The following ZYG11B variants were observed in gnomAD, a reference collection of about 807,000 sequenced individuals.
ZYG11B encodes zyg-11 family member B, cell cycle regulator, also known as protein zyg-11 homolog B.
ZYG11B carries 36 observed loss-of-function variants against 82.4 expected under a neutral mutation model. That is an observed-to-expected ratio of 0.44 (90% CI 0.33 to 0.58). The LOEUF (loss-of-function observed/expected upper bound fraction) is 0.58, where lower values mean the gene tolerates loss of function less well. ZYG11B is among the 20% of genes least tolerant of loss of function. The pLI is 0.02. For synonymous variants in ZYG11B, 303 were observed against 312.8 expected, an observed-to-expected ratio of 0.97 and a Z score of 0.33; for missense variants, 552 against 895.6, an observed-to-expected ratio of 0.62 and a Z score of 4.90.
chr1:52,726,492 G>GCTGCGGCTGCGGCTGCTA lies in ZYG11B; in HGVS notation c.-152_-151insGGCTGCTACTGCGGCTGC, dbSNP rs1571732512. 2 of 611,646 alleles carry GCTGCGGCTGCGGCTGCTA rather than the reference G, an allele frequency of 3.3e-6. No homozygotes were observed. Among genetic ancestry groups the GCTGCGGCTGCGGCTGCTA allele is most frequent in the East Asian group, 7.3e-5 (2 of 27,340 alleles). 37.9% of individuals were successfully genotyped at this position (611,646 alleles called of 1,614,324 possible). On this transcript the variant is annotated 5_prime_UTR_variant, in exon 1 of 14. Transcript: ENST00000294353. The stretch of plus-strand genomic sequence containing the variant: ...GGTTCGGGCTGCGGCTGCGGCTGCG[G>GCTGCGGCTGCGGCTGCTA]CTGCGGCTGCTACTGCTACGCTCCT...
chr1:52,797,468 T>TTATATATGATATATAATATAATAA (rs774304697), intron 8 of ZYG11B, among the ~76,000 whole-genome samples: 42 of 110,552 alleles, frequency 3.8e-4, no homozygotes, highest in Admixed American at 2.2e-3. Context: ...ATGATATATA[T>TTATATATGATATATAATATAATAA]ATTATATATG....
intron 3 of ZYG11B, among the ~76,000 whole-genome samples, chr1:52,774,609 A>ATTTTTTTTTTTTTT (rs35043109): frequency 1.8e-5 from 2 of 111,136 alleles, no homozygotes; most frequent in African/African-American, 9.7e-5. Context: ...GCCTGGCCTA[A>ATTTTTTTTTTTTTT]TTTTTTTTTT....
rs753643678 is a variant in ZYG11B at position 52,796,800 on chromosome 1, C to T, written c.1485+16C>T. 6.7e-7 allele frequency: 1 copy of T among 1,495,054 alleles called. No individual in the cohort carries two copies. The highest frequency in any genetic ancestry group is 8.9e-7 in the Non-Finnish European group (1 of 1,122,762). The allele number at this position is 1,495,054 out of a possible 1,614,324, so 92.6% of individuals were successfully genotyped here. A position where few individuals can be genotyped will look rare whatever the true frequency, so the allele number is the denominator to read the frequency against. ...CATTGTCAGGGTAAGTCTATAATCT[C>T]CTCCATTCAGGCCACTAGATATTCA... On this transcript the variant is annotated intron_variant, in intron 8 of 13. Transcript: ENST00000294353.
At chr1:52,790,715 C>CAAAAAA (rs755866491) in intron 6 of ZYG11B, among the ~76,000 whole-genome samples, 11 of 49,676 alleles carry the variant, frequency 2.2e-4, no homozygotes, top group Non-Finnish European at 3.4e-4. Flanking sequence ...AAGACTGTCT[C>CAAAAAA]AAAAAAAAAA....
intron 1 of ZYG11B, among the ~76,000 whole-genome samples, chr1:52,734,120 C>T (rs1425742401): frequency 1.3e-5 from 2 of 152,186 alleles, no homozygotes; most frequent in Non-Finnish European, 1.5e-5. Flanking sequence ...GCTTCATCCT[C>T]CTGAGTTGCT....
chr1:52,776,423 A>G (rs530235595), intron 3 of ZYG11B, among the ~76,000 whole-genome samples: 1 of 149,432 alleles, frequency 6.7e-6, no homozygotes, highest in African/African-American at 2.5e-5. Context: ...TGTCCCAGTT[A>G]CTTAGGAGGC....
rs1558140347 is a variant in ZYG11B at position 52,803,183 on chromosome 1, TATATACACATATATATATATAC to T, written c.1695+1046_1695+1067del. On this transcript the variant is annotated intron_variant, in intron 10 of 13. Transcript: ENST00000294353. Reference sequence around the variant, plus strand: ...ATATATATATACACACATATATATATATATACACATATATATATATACACACACATATATATATATACACACA... The same window carrying T: ...ATATATATATACACACATATATATATACACACATATATATATATACACACA... 3.6e-4 allele frequency among the ~76,000 whole-genome samples: 29 copies of T among 80,460 alleles called. 2 individuals are homozygous for T. Among genetic ancestry groups the T allele is most frequent in the African/African-American group, 2.6e-3 (24 of 9,200 alleles). 52.8% of individuals were successfully genotyped at this position (80,460 alleles called of 152,430 possible). A position where few individuals can be genotyped will look rare whatever the true frequency, so the allele number is the denominator to read the frequency against.
At chr1:52,734,911 T>C (rs956962154) in intron 1 of ZYG11B, among the ~76,000 whole-genome samples, 5 of 150,352 alleles carry the variant, frequency 3.3e-5, no homozygotes, top group Admixed American at 2.7e-4. Flanking sequence ...GTATTTTTGG[T>C]AGAGACAGGG....
chr1:52,812,739 T>G (rs1645194153), intron 10 of ZYG11B, among the ~76,000 whole-genome samples: 1 of 151,432 alleles, frequency 6.6e-6, no homozygotes, highest in Non-Finnish European at 1.5e-5. Flanking sequence ...TTTGTTTGTT[T>G]GTTTTGAGAT....
At chr1:52,776,594 A>G (rs1644812882) in intron 3 of ZYG11B, among the ~76,000 whole-genome samples, 1 of 151,814 alleles carries the variant, frequency 6.6e-6, no homozygotes, top group African/African-American at 2.4e-5. Context: ...AGAGTTCTTT[A>G]ATTTTATATT....
At chr1:52,777,370 T>C (rs568407442) in intron 3 of ZYG11B, among the ~76,000 whole-genome samples, 74 of 152,320 alleles carry the variant, frequency 4.9e-4, no homozygotes, top group African/African-American at 1.7e-3. Context: ...TAGCATATCC[T>C]ATTAATGGTT....
chr1:52,784,217 C>A (rs1000578432), intron 4 of ZYG11B, among the ~76,000 whole-genome samples: 1 of 152,090 alleles, frequency 6.6e-6, no homozygotes, highest in African/African-American at 2.4e-5. Context: ...GTCTCAAACT[C>A]CTGACCTCAA....
At position 52,771,708 on chromosome 1, in the gene ZYG11B, A is replaced by G. The variant is rs1482714445; in HGVS notation, c.885A>G (p.Gln295=). The change falls in exon 3 of 14, where the codon CAA becomes CAG. Residue 295 remains glutamine, a synonymous_variant. Transcript: ENST00000294353. The surrounding 1 kb of genome is among the most constrained non-coding windows in gnomAD (Gnocchi z 5.4). ...TTATACAACAACGTCCAAGCATGCA[A>G]TTTGTAGGTTTGCTGGCTACTGATG... ...EAFIQQRPSM[Q]FVGLLATDAG... is the part of the protein sequence containing the mutation. 6 of 1,614,124 alleles carry G rather than the reference A, an allele frequency of 3.7e-6. No homozygotes were observed. Among genetic ancestry groups the G allele is most frequent in the East Asian group, 2.2e-5 (1 of 44,884 alleles).
chr1:52,808,277 T>G (rs911039027), intron 10 of ZYG11B, among the ~76,000 whole-genome samples: 1 of 151,912 alleles, frequency 6.6e-6, no homozygotes, highest in Non-Finnish European at 1.5e-5. Flanking sequence ...GACAGGAGAA[T>G]CGCTTGAACC....
At chr1:52,817,842 T>A (rs1645249175) in intron 13 of ZYG11B, among the ~76,000 whole-genome samples, 1 of 46,374 alleles carries the variant, frequency 2.2e-5, no homozygotes, top group Non-Finnish European at 4.1e-5. Context: ...TTTTTTTTTT[T>A]TTTTTTTTTT....
chr1:52,816,471 G>T, intron 12 of ZYG11B, 61 bp from the exon 13 acceptor site: 1 of 1,201,446 alleles, frequency 8.3e-7, no homozygotes, highest in Admixed American at 2.1e-5. Context: ...AGGAATCACT[G>T]CTTTAGGAAA....
intron 6 of ZYG11B, among the ~76,000 whole-genome samples, chr1:52,795,047 A>G (rs1165674958): frequency 6.6e-6 from 1 of 152,112 alleles, no homozygotes; most frequent in African/African-American, 2.4e-5. Flanking sequence ...AGTAAAAGCT[A>G]GTTCCTTAAT....
chr1:52,807,885 A>T (rs1173865573), intron 10 of ZYG11B, among the ~76,000 whole-genome samples: 1 of 152,158 alleles, frequency 6.6e-6, no homozygotes, highest in Non-Finnish European at 1.5e-5. Flanking sequence ...GACTGAAAAC[A>T]TCTTTACTTA....
At chr1:52,767,688 A>T (rs1180864583) in intron 2 of ZYG11B, among the ~76,000 whole-genome samples, 1 of 151,692 alleles carries the variant, frequency 6.6e-6, no homozygotes, top group Non-Finnish European at 1.5e-5. Flanking sequence ...TGGAATTCTG[A>T]CTCCCCACTA....
Sources: allele counts gnomAD v4.1 joint callset (sites outside exome capture counted in the v4.1 genomes callset), GRCh38; gene constraint gnomAD v4.1.1; non-coding constraint Gnocchi (gnomAD v3.1); transcripts MANE v1.5; gene names NCBI Gene and HGNC (gene_info 2026-07-23, HGNC 2026-07-21).